The following CIDEA variants were observed in gnomAD, a reference collection of about 807,000 sequenced individuals.
The protein encoded by CIDEA is cell death inducing DFFA like effector a, also known as lipid transferase CIDEA.
CIDEA carries 10 observed loss-of-function variants against 18.2 expected under a neutral mutation model. The observed-to-expected ratio is 0.55, with a 90% CI of 0.34 to 0.93. The LOEUF is 0.93. Among genes scored for constraint, CIDEA ranks in the 40% least tolerant of loss-of-function variants. The pLI is 0.02. For missense variants in CIDEA, 309 were observed against 293.1 expected, an observed-to-expected ratio of 1.05 and a Z score of -0.40; for synonymous variants, 128 against 124.8, an observed-to-expected ratio of 1.03 and a Z score of -0.17.
At chr18:12,254,607 G>C (rs1911965019) in intron 1 of CIDEA, 186 bp downstream of exon 1, 1 of 1,528,308 alleles carries the variant, frequency 6.5e-7, no homozygotes, top group African/African-American at 1.4e-5. Context: ...AAGCCGTCCA[G>C]CCGCGCCCGC....
intron 4 of CIDEA, among the ~76,000 whole-genome samples, chr18:12,274,819 T>TCCTG (rs1315570246): frequency 6.6e-6 from 1 of 152,162 alleles, no homozygotes; most frequent in Non-Finnish European, 1.5e-5. Flanking sequence ...GAAGACAGAC[T>TCCTG]CCTGATCCAG....
rs775341167 is a variant in CIDEA, at chr18:12,264,486, T to C, written c.330+33T>C. The C allele has an allele frequency of 3.8e-6, 6 of 1,582,030 alleles. No individual in the cohort carries two copies. In the South Asian group the frequency reaches 5.7e-5, roughly 15 times the overall value. On this transcript the variant is annotated intron_variant, in intron 3 of 4. Transcript: ENST00000320477. ...AAAACACTGTCACCCAAACAGCTAC[T>C]GGGTAGACTTTTTACCTACAAATTT...
At position 12,274,679 on chromosome 18, in the gene CIDEA, C is replaced by T. The variant is rs977131842; in HGVS notation, c.512+405C>T. Reference sequence around the variant, plus strand: ...CACGCCTTTGCATGTATCTCCTGTACTCCTGATAACTTCAGCCTTACCAGT... The same window carrying T: ...CACGCCTTTGCATGTATCTCCTGTATTCCTGATAACTTCAGCCTTACCAGT... On this transcript the variant is annotated intron_variant, in intron 4 of 4. Transcript: ENST00000320477. Among the ~76,000 whole-genome samples the T allele has an allele frequency of 2.0e-5, 3 of 152,194 alleles. No individual in the cohort carries two copies. In the South Asian group the frequency reaches 6.2e-4, roughly 31 times the overall value.
intron 3 of CIDEA, 40 bp downstream of exon 3, chr18:12,264,493 AC>A (rs34567652): frequency 0.064 from 99,893 of 1,550,994 alleles, 4,802 homozygotes; most frequent in African/African-American, 0.18. Context: ...TACTGGGTAG[AC>A]TTTTTACCTA....
rs779257927 is a variant in CIDEA, at chr18:12,277,154, C to T, written c.544C>T (p.Gln182Ter). ...SLLRFLSYSAQVTGQFLIYLG... is the reference protein window; with the variant it reads ...SLLRFLSYSA ...GCTGCGGTTCCTGTCCTACTCCGCC[C>T]AGGTGACGGGACAGTTTCTCATCTA... The change falls in exon 5 of 5, where the codon CAG (glutamine) becomes TAG (stop). Residue 182 changes from glutamine (Q) to a stop codon, truncating the protein, a stop_gained. Coordinates refer to ENST00000320477, the MANE Select transcript of CIDEA (RefSeq NM_001279.4). LOFTEE classifies it low-confidence loss of function (END_TRUNC). 6.2e-7 allele frequency: 1 copy of T among 1,614,066 alleles called. No homozygotes were observed. The highest frequency in any genetic ancestry group is 8.5e-7 in the Non-Finnish European group (1 of 1,180,048).
chr18:12,264,556 T>C, intron 3 of CIDEA, 103 bp downstream of exon 3: 1 of 908,440 alleles, frequency 1.1e-6, no homozygotes. Context: ...CTTTCTTTTT[T>C]TTTTTTTCTT....
Position 12,274,191 on chromosome 18 carries a change from C to G in CIDEA, c.429C>G (p.Gly143=). 6.2e-7 allele frequency: 1 copy of G among 1,614,248 alleles called. No individual in the cohort carries two copies. Residue 143 remains glycine, a synonymous_variant, in exon 4 of 5, where the codon GGC becomes GGG. Coordinates refer to ENST00000320477, the MANE Select transcript of CIDEA (RefSeq NM_001279.4). ...GGCTGAACCCCAAGGACTTCATCGG[C>G]TGCCTTAACGTGAAGGCCACCATGT... ...LYRLNPKDFI[G]CLNVKATMYE...
At chr18:12,261,742 T>A (rs975457666) in intron 1 of CIDEA, among the ~76,000 whole-genome samples, 32 of 151,984 alleles carry the variant, frequency 2.1e-4, no homozygotes, top group Admixed American at 5.2e-4. Context: ...CAGCTAATTT[T>A]TTTTTATTTT....
At chr18:12,272,514 A>T in intron 3 of CIDEA, among the ~76,000 whole-genome samples, 1 of 150,090 alleles carries the variant, frequency 6.7e-6, no homozygotes, top group East Asian at 2.0e-4. Flanking sequence ...TGCCCGGCTA[A>T]TTTTTGTATT....
At chr18:12,254,928 G>C (rs1421632458) in intron 1 of CIDEA, 2 of 1,237,986 alleles carry the variant, frequency 1.6e-6, no homozygotes. Context: ...TCCGAGGGGA[G>C]GCCCCAACCG....
intron 3 of CIDEA, among the ~76,000 whole-genome samples, chr18:12,267,085 C>G (rs1035622696): frequency 5.9e-5 from 9 of 152,008 alleles, no homozygotes; most frequent in Non-Finnish European, 1.2e-4. Flanking sequence ...AGATATAGGG[C>G]AACACACTCC....
chr18:12,256,407 T>C (rs1046649695), intron 1 of CIDEA, among the ~76,000 whole-genome samples: 4 of 152,238 alleles, frequency 2.6e-5, no homozygotes, highest in Non-Finnish European at 4.4e-5. Flanking sequence ...TTGTAGTCAG[T>C]GGTGAAACCT....
intron 3 of CIDEA, among the ~76,000 whole-genome samples, chr18:12,272,322 C>A (rs576804436): frequency 6.6e-6 from 1 of 152,322 alleles, no homozygotes; most frequent in East Asian, 1.9e-4. Flanking sequence ...AAGTGCTTCT[C>A]CTGCCTCAGC....
intron 3 of CIDEA, among the ~76,000 whole-genome samples, 197 bp from the exon 4 acceptor site, chr18:12,273,896 C>A (rs1003299343): frequency 6.6e-6 from 1 of 152,226 alleles, no homozygotes; most frequent in African/African-American, 2.4e-5. Flanking sequence ...GGGACAGACG[C>A]CTCGTGGCTA....
chr18:12,256,593 G>A (rs112450184), intron 1 of CIDEA, among the ~76,000 whole-genome samples: 1 of 152,176 alleles, frequency 6.6e-6, no homozygotes, highest in African/African-American at 2.4e-5. Flanking sequence ...CCTGCCAAAC[G>A]CTGAAGTTGT....
At chr18:12,276,776 G>A (rs988629144) in intron 4 of CIDEA, among the ~76,000 whole-genome samples, 14 of 152,208 alleles carry the variant, frequency 9.2e-5, no homozygotes, top group South Asian at 2.1e-4. Flanking sequence ...ACACCTGTGC[G>A]GGTGCGGCCA....
Position 12,264,289 on chromosome 18 carries a change from G to A in CIDEA, c.184-18G>A, listed in dbSNP as rs753628115. On this transcript the variant is annotated intron_variant, in intron 2 of 4. Coordinates refer to ENST00000320477, the MANE Select transcript of CIDEA (RefSeq NM_001279.4). ...ATACCTGGCTTCACTCCATTTCTCT[G>A]ATGTGTTGCACACCTAGACTCTGGA... The A allele has an allele frequency of 1.3e-6, 2 of 1,568,148 alleles. No individual in the cohort carries two copies. Among genetic ancestry groups the A allele is most frequent in the Non-Finnish European group, 1.7e-6 (2 of 1,159,010 alleles).
rs142461416 is a variant in CIDEA at position 12,254,378 on chromosome 18, C to G, written c.-6C>G. ...AGACCTCCAGGCCCGCTAGGGGATC[C>G]GCGCCATGGAGGCCGCCCGGGACTA... On this transcript the variant is annotated 5_prime_UTR_variant, in exon 1 of 5. Coordinates refer to ENST00000320477, the MANE Select transcript of CIDEA (RefSeq NM_001279.4). 5 of 1,533,332 alleles carry G rather than the reference C, an allele frequency of 3.3e-6. No homozygotes were observed. Among genetic ancestry groups the G allele is most frequent in the Non-Finnish European group, 3.5e-6 (4 of 1,140,878 alleles). The allele number at this position is 1,533,332 out of a possible 1,614,324, so 95.0% of individuals were successfully genotyped here. A position where few individuals can be genotyped will look rare whatever the true frequency, so the allele number is the denominator to read the frequency against.
In CIDEA at chr18:12,277,276, C is replaced by G. The variant is rs752734521; in HGVS notation, c.*6C>G. The G allele has an allele frequency of 6.2e-7, 1 of 1,614,002 alleles. No homozygotes were observed. The highest frequency in any genetic ancestry group is 1.1e-5 in the South Asian group (1 of 91,078). On this transcript the variant is annotated 3_prime_UTR_variant, in exon 5 of 5. Transcript: ENST00000320477. ...GCAGGTTCACGTGTGGATAGGGATGCAGGCTGTCGCCGGCTCTTGAGCCAA... is the reference window on the plus strand; with the variant it reads ...GCAGGTTCACGTGTGGATAGGGATGGAGGCTGTCGCCGGCTCTTGAGCCAA...
Sources: allele counts gnomAD v4.1 joint callset (sites outside exome capture counted in the v4.1 genomes callset), GRCh38; gene constraint gnomAD v4.1.1; transcripts MANE v1.5; gene names NCBI Gene and HGNC (gene_info 2026-07-23, HGNC 2026-07-21).